The following C3orf33 variants were observed in gnomAD, a reference collection of about 807,000 sequenced individuals.
C3orf33 encodes mitochondrial inner membrane subdomain organizer 1.
C3orf33 carries 23 observed loss-of-function variants against 28.7 expected under a neutral mutation model. The observed-to-expected ratio is 0.80, with a 90% CI of 0.58 to 1.13. The LOEUF is 1.13. Among genes scored for constraint, C3orf33 ranks in the 50% most tolerant of loss-of-function variants. The probability of loss-of-function intolerance (pLI) is 0.00; values close to 1 mark genes in which losing one functional copy is unlikely to be tolerated. For missense variants in C3orf33, 327 were observed against 353.4 expected (o/e 0.93, Z 0.60); for synonymous variants, 119 against 120.5 (o/e 0.99, Z 0.08).
chr3:155,791,153 T>A (rs557171792), intron 2 of C3orf33, among the ~76,000 whole-genome samples: 1 of 152,268 alleles, frequency 6.6e-6, no homozygotes, highest in Non-Finnish European at 1.5e-5. Flanking sequence ...GATAAGGCAC[T>A]AGGCAGAGGA....
At chr3:155,772,115 G>A (rs573023687) in intron 3 of C3orf33, among the ~76,000 whole-genome samples, 7 of 152,308 alleles carry the variant, frequency 4.6e-5, no homozygotes, top group Non-Finnish European at 7.4e-5. Context: ...TGAGGCAAGA[G>A]GATAGCTTCA....
At chr3:155,771,058 G>GTGTTT in intron 3 of C3orf33, among the ~76,000 whole-genome samples, 1 of 104,678 alleles carries the variant, frequency 9.6e-6, no homozygotes, top group Non-Finnish European at 1.8e-5. Context: ...TGTGTGTGTT[G>GTGTTT]AGACATAGTT....
chr3:155,781,023 C>T (rs1010195283), intron 2 of C3orf33, among the ~76,000 whole-genome samples: 2 of 149,132 alleles, frequency 1.3e-5, no homozygotes, highest in Non-Finnish European at 2.9e-5. Flanking sequence ...CGGAGTCTCG[C>T]TCTGTCGCCC....
At position 155,775,851 on chromosome 3, in the gene C3orf33, A is replaced by G. The variant is rs776861460; in HGVS notation, c.175-3T>C. On this transcript the variant is annotated splice_region_variant and splice_polypyrimidine_tract_variant and intron_variant, in intron 2 of 4. Coordinates refer to ENST00000340171, the MANE Select transcript of C3orf33 (RefSeq NM_001308229.2). ...GAAGAGCTTGTAAATTTTGATGTCT[A>G]TTGATTTACAGGGAGAAAAATATAA... is the stretch of plus-strand genomic sequence containing the variant. 1.9e-5 allele frequency: 30 copies of G among 1,575,322 alleles called. No homozygotes were observed. The highest frequency in any genetic ancestry group is 2.5e-5 in the Non-Finnish European group (29 of 1,153,120).
intron 2 of C3orf33, among the ~76,000 whole-genome samples, chr3:155,791,712 T>C (rs763462559): frequency 6.6e-6 from 1 of 151,718 alleles, no homozygotes; most frequent in Non-Finnish European, 1.5e-5. Context: ...AGGCCTGGGA[T>C]GGTGGTGGCC....
At chr3:155,793,369 CT>C (rs1337750501) in intron 2 of C3orf33, among the ~76,000 whole-genome samples, 4 of 133,720 alleles carry the variant, frequency 3.0e-5, no homozygotes, top group Non-Finnish European at 3.3e-5. Context: ...GTGCTTCAAT[CT>C]GATTAAAAAA....
intron 4 of C3orf33, among the ~76,000 whole-genome samples, chr3:155,766,235 T>A (rs1750398843): frequency 6.6e-6 from 1 of 152,138 alleles, no homozygotes; most frequent in Non-Finnish European, 1.5e-5. Flanking sequence ...ATGATCAAGG[T>A]ATGAAAACCT....
At chr3:155,794,413 GA>G (rs1372462799) in intron 2 of C3orf33, among the ~76,000 whole-genome samples, 2 of 151,734 alleles carry the variant, frequency 1.3e-5, no homozygotes, top group African/African-American at 4.8e-5. Context: ...GCAAAAAACT[GA>G]AACATCACAA....
At chr3:155,769,090 A>G (rs1020161369) in intron 3 of C3orf33, among the ~76,000 whole-genome samples, 1 of 152,158 alleles carries the variant, frequency 6.6e-6, no homozygotes, top group Non-Finnish European at 1.5e-5. Context: ...AGGCAGGTGG[A>G]TCACCTGAGG....
intron 3 of C3orf33, among the ~76,000 whole-genome samples, chr3:155,773,674 T>G (rs1750655176): frequency 6.6e-6 from 1 of 152,246 alleles, no homozygotes. Context: ...GCTGTGGCAT[T>G]GCATGATTTC....
chr3:155,796,903 A>G (rs1751489357), intron 2 of C3orf33, among the ~76,000 whole-genome samples: 1 of 152,218 alleles, frequency 6.6e-6, no homozygotes, highest in Admixed American at 6.5e-5. Context: ...GACAAAATGA[A>G]GGACAGGCCT....
intron 2 of C3orf33, among the ~76,000 whole-genome samples, chr3:155,785,628 A>T (rs956353865): frequency 1.3e-5 from 2 of 152,246 alleles, no homozygotes; most frequent in Non-Finnish European, 2.9e-5. Flanking sequence ...AGGAAAATTT[A>T]AAAGTACTTA....
At chr3:155,767,479 T>A in intron 4 of C3orf33, 30 bp downstream of exon 4, 2 of 1,432,226 alleles carry the variant, frequency 1.4e-6, no homozygotes, top group Non-Finnish European at 1.9e-6. Flanking sequence ...AAGAATAAGA[T>A]ATTGCTAGTT....
Position 155,776,759 on chromosome 3 carries a change from CAA to C in C3orf33, c.175-913_175-912del, listed in dbSNP as rs10654812. On this transcript the variant is annotated intron_variant, in intron 2 of 4. Coordinates refer to ENST00000340171, the MANE Select transcript of C3orf33 (RefSeq NM_001308229.2). ...TGACAGAGCGAGAACCTGACTCTGT[CAA>C]AAAAAAAAAAAAAAAAAAAAAAAGA... Among the ~76,000 whole-genome samples the C allele has an allele frequency of 3.7e-3, 323 of 86,842 alleles. 1 individual carries two copies. The highest frequency in any genetic ancestry group is 0.012 in the African/African-American group (296 of 23,868). 57.0% of individuals were successfully genotyped at this position (86,842 alleles called of 152,430 possible).
rs1477525125 is a variant in C3orf33 at position 155,762,879 on chromosome 3, A to C, written c.*638T>G. ...AGCGAAACTCCATGTCAAAACAAAA[A>C]AAGCCGGGCTTGGTAGCTCACGCCT... On this transcript the variant is annotated 3_prime_UTR_variant, in exon 5 of 5. Coordinates refer to ENST00000340171, the MANE Select transcript of C3orf33 (RefSeq NM_001308229.2). 6.6e-6 allele frequency: 1 copy of C among 151,858 alleles called. No homozygotes were observed. The highest frequency in any genetic ancestry group is 1.5e-5 in the Non-Finnish European group (1 of 67,990). The allele number at this position is 151,858 out of a possible 1,614,324, so 9.4% of individuals were successfully genotyped here.
chr3:155,765,901 T>A (rs1353117346), intron 4 of C3orf33, among the ~76,000 whole-genome samples: 1 of 152,130 alleles, frequency 6.6e-6, no homozygotes, highest in Non-Finnish European at 1.5e-5. Flanking sequence ...TTCAATCAAT[T>A]AGTTTTAGAT....
chr3:155,783,006 T>C (rs952423233), intron 2 of C3orf33, among the ~76,000 whole-genome samples: 1 of 152,138 alleles, frequency 6.6e-6, no homozygotes, highest in Non-Finnish European at 1.5e-5. Flanking sequence ...AAGTGGAAAA[T>C]TCCACACCAG....
intron 4 of C3orf33, among the ~76,000 whole-genome samples, chr3:155,764,617 C>T (rs1750339852): frequency 2.0e-5 from 3 of 151,702 alleles, no homozygotes; most frequent in South Asian, 2.1e-4. Flanking sequence ...CTTTGGGAGG[C>T]CGAGGCGGGC....
At chr3:155,799,800 A>G (rs144431388) in intron 2 of C3orf33, among the ~76,000 whole-genome samples, 5 of 152,286 alleles carry the variant, frequency 3.3e-5, no homozygotes, top group African/African-American at 1.2e-4. Flanking sequence ...TGTTAAGTGA[A>G]GTAAGCCAAG....
Sources: allele counts gnomAD v4.1 joint callset (sites outside exome capture counted in the v4.1 genomes callset), GRCh38; gene constraint gnomAD v4.1.1; transcripts MANE v1.5; gene names NCBI Gene and HGNC (gene_info 2026-07-23, HGNC 2026-07-21).